The following SLIT2 variants were observed in gnomAD, a reference collection of about 807,000 sequenced individuals.
SLIT2 encodes the protein slit homolog 2 protein.
SLIT2 carries 41 observed loss-of-function variants against 185.7 expected under a neutral mutation model. That is an observed-to-expected ratio of 0.22 (90% CI 0.17 to 0.29). The LOEUF (loss-of-function observed/expected upper bound fraction) is 0.29. Among genes scored for constraint, SLIT2 ranks in the 10% least tolerant of loss-of-function variants. SLIT2 has a pLI of 1.00. For synonymous variants in SLIT2, 693 were observed against 680.2 expected, an observed-to-expected ratio of 1.02 and a Z score of -0.29; for missense variants, 1,571 against 1,909.0, an observed-to-expected ratio of 0.82 and a Z score of 3.30.
chr4:20,337,987 T>C (rs1377410512), intron 4 of SLIT2, among the ~76,000 whole-genome samples: 1 of 152,172 alleles, frequency 6.6e-6, no homozygotes, highest in Non-Finnish European at 1.5e-5. Context: ...AAAAATTAGT[T>C]GTAAATCCAA....
chr4:20,580,272 A>C (rs1024990594), intron 29 of SLIT2, among the ~76,000 whole-genome samples: 1 of 151,204 alleles, frequency 6.6e-6, no homozygotes, highest in Non-Finnish European at 1.5e-5. Context: ...TGTTGACCTC[A>C]GGTGATCCAC....
At chr4:20,289,553 T>C (rs916731320) in intron 4 of SLIT2, among the ~76,000 whole-genome samples, 1 of 152,210 alleles carries the variant, frequency 6.6e-6, no homozygotes, top group Non-Finnish European at 1.5e-5. Context: ...CTTTTTAACA[T>C]TTTATAAATT....
chr4:20,284,408 A>G (rs1715074628), intron 4 of SLIT2, among the ~76,000 whole-genome samples: 1 of 152,194 alleles, frequency 6.6e-6, no homozygotes, highest in Non-Finnish European at 1.5e-5. Flanking sequence ...TTGGACATAC[A>G]TATGCCTCTC....
rs780450010 is a variant in SLIT2 at position 20,569,081 on chromosome 4, T to G, written c.3088+77T>G. 1.5e-5 allele frequency: 19 copies of G among 1,232,790 alleles called. No individual in the cohort carries two copies. In the Admixed American group the frequency reaches 3.3e-4, roughly 21 times the overall value. The allele number at this position is 1,232,790 out of a possible 1,614,324, so 76.4% of individuals were successfully genotyped here. ...CATCATTGGAACTATGTTATATATG[T>G]TTAGTAAATCTTTTTTTATTTGATA... is the stretch of plus-strand genomic sequence containing the variant. On this transcript the variant is annotated intron_variant, in intron 29 of 36. Transcript: ENST00000504154.
At position 20,291,734 on chromosome 4, in the gene SLIT2, A is replaced by G. The variant is rs981568892; in HGVS notation, c.395+22853A>G. Reference sequence around the variant, plus strand: ...TATGTTCAAAAAATTTTGCTGATGCAGTAATATGTAATCAAAACAATTATA... The same window carrying G: ...TATGTTCAAAAAATTTTGCTGATGCGGTAATATGTAATCAAAACAATTATA... On this transcript the variant is annotated intron_variant, in intron 4 of 36. Transcript: ENST00000504154. Among the ~76,000 whole-genome samples the G allele has an allele frequency of 3.3e-5, 5 of 152,030 alleles. No individual in the cohort carries two copies. The East Asian group carries it at 7.7e-4, about 24-fold the overall frequency.
intron 26 of SLIT2, among the ~76,000 whole-genome samples, chr4:20,558,582 C>T (rs545965837): frequency 2.6e-5 from 4 of 152,068 alleles, no homozygotes; most frequent in East Asian, 3.9e-4. Context: ...CACTTTATTG[C>T]GGTAGTCTGG....
At chr4:20,345,752 T>C (rs1262252782) in intron 4 of SLIT2, among the ~76,000 whole-genome samples, 3 of 151,900 alleles carry the variant, frequency 2.0e-5, no homozygotes, top group Non-Finnish European at 4.4e-5. Context: ...GCCAGAATGG[T>C]CTCGATCTCC....
chr4:20,384,130 A>G (rs73238770), intron 4 of SLIT2, among the ~76,000 whole-genome samples: 31,228 of 151,962 alleles, frequency 0.21, 3,561 homozygotes, highest in Non-Finnish European at 0.27. Context: ...AAAACCAGAA[A>G]AGAACTCAAT....
chr4:20,542,091 G>C (rs1487043908), intron 20 of SLIT2, among the ~76,000 whole-genome samples: 1 of 152,016 alleles, frequency 6.6e-6, no homozygotes, highest in Admixed American at 6.5e-5. Flanking sequence ...TGAACAGAGA[G>C]CTAATTTGAG....
intron 4 of SLIT2, among the ~76,000 whole-genome samples, chr4:20,420,648 G>T (rs1477659281): frequency 6.6e-6 from 1 of 151,888 alleles, no homozygotes; most frequent in African/African-American, 2.4e-5. Context: ...AGGAGGGAAG[G>T]AAAAGGAGAG....
chr4:20,365,713 C>T (rs1224384950), intron 4 of SLIT2, among the ~76,000 whole-genome samples: 1 of 152,082 alleles, frequency 6.6e-6, no homozygotes, highest in Non-Finnish European at 1.5e-5. Flanking sequence ...AAGAACTGTG[C>T]CTGCCACACT....
At chr4:20,551,375 G>T (rs1038550661) in intron 25 of SLIT2, among the ~76,000 whole-genome samples, 2 of 152,174 alleles carry the variant, frequency 1.3e-5, no homozygotes, top group Non-Finnish European at 2.9e-5. Context: ...CTATAGTTTG[G>T]AAGTAAGACA....
At position 20,526,063 on chromosome 4, in the gene SLIT2, G is replaced by A. The variant is rs185814045; in HGVS notation, c.1462+891G>A. 1.8e-4 allele frequency among the ~76,000 whole-genome samples: 27 copies of A among 152,106 alleles called. 1 individual carries two copies. Among genetic ancestry groups the A allele is most frequent in the African/African-American group, 5.8e-4 (24 of 41,524 alleles). On this transcript the variant is annotated intron_variant, in intron 15 of 36. Coordinates refer to ENST00000504154, the MANE Select transcript of SLIT2 (RefSeq NM_004787.4). Reference sequence around the variant, plus strand: ...TAAGTATCGATTGGCCACATTCACCGTCTCTTGGGTATATTCTAGACTATA... The same window carrying A: ...TAAGTATCGATTGGCCACATTCACCATCTCTTGGGTATATTCTAGACTATA...
chr4:20,518,121 A>T, intron 11 of SLIT2, among the ~76,000 whole-genome samples: 1 of 143,154 alleles, frequency 7.0e-6, no homozygotes. Flanking sequence ...ACATATACAT[A>T]TATATACATA....
At chr4:20,549,154 A>G (rs200144123) in intron 24 of SLIT2, 26 bp downstream of exon 24, 2 of 1,401,272 alleles carry the variant, frequency 1.4e-6, no homozygotes, top group Non-Finnish European at 2.0e-6. Context: ...TCAACAGAAT[A>G]TCTCTTTTCT....
intron 4 of SLIT2, among the ~76,000 whole-genome samples, chr4:20,370,115 T>G (rs1029701023): frequency 3.3e-5 from 5 of 152,044 alleles, no homozygotes; most frequent in African/African-American, 1.2e-4. Context: ...GCTCTTCAGG[T>G]GATTTGTGAT....
chr4:20,278,868 T>C (rs868378631), intron 4 of SLIT2, among the ~76,000 whole-genome samples: 1 of 152,044 alleles, frequency 6.6e-6, no homozygotes, highest in Admixed American at 6.6e-5. Context: ...TACTGAGTGC[T>C]TAAGAAACGT....
intron 4 of SLIT2, among the ~76,000 whole-genome samples, chr4:20,391,194 A>G (rs1725387138): frequency 6.6e-6 from 1 of 152,082 alleles, no homozygotes; most frequent in East Asian, 1.9e-4. Context: ...AGAATAATGT[A>G]TATGTTTCTC....
intron 21 of SLIT2, among the ~76,000 whole-genome samples, chr4:20,543,947 C>T (rs868074976): frequency 1.1e-4 from 17 of 152,128 alleles, no homozygotes; most frequent in South Asian, 4.2e-4. Context: ...CCGAAACCCT[C>T]CTCTGTGGGA....
Sources: allele counts gnomAD v4.1 joint callset (sites outside exome capture counted in the v4.1 genomes callset), GRCh38; gene constraint gnomAD v4.1.1; transcripts MANE v1.5; gene names NCBI Gene and HGNC (gene_info 2026-07-23, HGNC 2026-07-21).